CACNA2D3: variants seen among roughly 807,000 people sequenced by gnomAD.
CACNA2D3 encodes the protein calcium voltage-gated channel auxiliary subunit alpha2delta 3, also known as voltage-dependent calcium channel subunit alpha-2/delta-3.
A neutral mutation model predicts 160.6 loss-of-function variants in CACNA2D3; 60 were observed. The observed-to-expected ratio is 0.37, with a 90% CI of 0.30 to 0.46. CACNA2D3 has a LOEUF of 0.46. Ranked by LOEUF, CACNA2D3 falls within the 20% of genes least tolerant of loss-of-function variation. The probability of loss-of-function intolerance (pLI) is 1.00; values close to 1 mark genes in which losing one functional copy is unlikely to be tolerated. For synonymous variants in CACNA2D3, 558 were observed against 492.9 expected (o/e 1.13, Z -1.75); for missense variants, 1,205 against 1,365.0 (o/e 0.88, Z 1.85).
intron 35 of CACNA2D3, among the ~76,000 whole-genome samples, chr3:55,034,896 G>C (rs1239498611): frequency 1.3e-5 from 2 of 152,006 alleles, no homozygotes; most frequent in Non-Finnish European, 2.9e-5. Flanking sequence ...TCAATTCCTA[G>C]AAGTAAAATA....
chr3:54,762,445 G>GT (rs1702096896), intron 12 of CACNA2D3, among the ~76,000 whole-genome samples: 1 of 152,184 alleles, frequency 6.6e-6, no homozygotes, highest in African/African-American at 2.4e-5. Context: ...TGTGCCTGTT[G>GT]TAAGTTTTAG....
At chr3:54,994,523 A>G (rs1364194257) in intron 31 of CACNA2D3, among the ~76,000 whole-genome samples, 2 of 152,170 alleles carry the variant, frequency 1.3e-5, no homozygotes, top group East Asian at 1.9e-4. Context: ...GGAGCTTCCA[A>G]TGAACCACTC....
At chr3:54,242,368 G>A (rs999573814) in intron 2 of CACNA2D3, among the ~76,000 whole-genome samples, 7 of 152,150 alleles carry the variant, frequency 4.6e-5, no homozygotes, top group Non-Finnish European at 1.0e-4. Flanking sequence ...ACTTGAATCT[G>A]GGAGGCAGAG....
At chr3:54,166,484 A>G (rs1354222879) in intron 2 of CACNA2D3, among the ~76,000 whole-genome samples, 1 of 152,230 alleles carries the variant, frequency 6.6e-6, no homozygotes, top group African/African-American at 2.4e-5. Context: ...AGAGAGTGTC[A>G]TTAATTTCAA....
intron 2 of CACNA2D3, among the ~76,000 whole-genome samples, chr3:54,300,498 G>C (rs1348327418): frequency 6.6e-6 from 1 of 152,234 alleles, no homozygotes; most frequent in East Asian, 1.9e-4. Context: ...TGAACGGAGA[G>C]GGGTAGAGCT....
chr3:54,526,229 C>T (rs1211363326), intron 5 of CACNA2D3, among the ~76,000 whole-genome samples: 1 of 152,058 alleles, frequency 6.6e-6, no homozygotes, highest in Non-Finnish European at 1.5e-5. Flanking sequence ...TAATATCCAT[C>T]TTTACCTCTT....
intron 4 of CACNA2D3, among the ~76,000 whole-genome samples, chr3:54,457,628 A>T (rs889860267): frequency 4.0e-4 from 61 of 151,966 alleles, no homozygotes; most frequent in African/African-American, 1.4e-3. Flanking sequence ...TGTATAGATG[A>T]TCTGTCCAGT....
chr3:54,780,540 C>T (rs1228194872), intron 13 of CACNA2D3, among the ~76,000 whole-genome samples: 1 of 152,154 alleles, frequency 6.6e-6, no homozygotes, highest in Non-Finnish European at 1.5e-5. Flanking sequence ...TTTAGGTGAA[C>T]TCCAGAGAAA....
At chr3:54,751,301 C>CTGACA (rs1331936618) in intron 11 of CACNA2D3, among the ~76,000 whole-genome samples, 1 of 152,172 alleles carries the variant, frequency 6.6e-6, no homozygotes, top group Non-Finnish European at 1.5e-5. Flanking sequence ...TGAGCACAGA[C>CTGACA]TGACATTCCA....
At chr3:55,067,182 TGG>T (rs1012626988) in intron 35 of CACNA2D3, among the ~76,000 whole-genome samples, 6 of 152,020 alleles carry the variant, frequency 3.9e-5, no homozygotes, top group Non-Finnish European at 7.4e-5. Context: ...GAAGGAAAGT[TGG>T]CTGTGGGACT....
At chr3:54,156,909 T>A (rs1369176722) in intron 2 of CACNA2D3, among the ~76,000 whole-genome samples, 1 of 152,184 alleles carries the variant, frequency 6.6e-6, no homozygotes, top group Non-Finnish European at 1.5e-5. Context: ...TGAGAAATGA[T>A]CATTATTTTT....
intron 2 of CACNA2D3, among the ~76,000 whole-genome samples, chr3:54,209,488 G>A (rs115177692): frequency 1.2e-3 from 178 of 152,280 alleles, no homozygotes; most frequent in African/African-American, 4.1e-3. Flanking sequence ...GATTCTGTAC[G>A]GAGTGAGGCT....
chr3:54,725,469 A>G (rs1701258667), intron 11 of CACNA2D3, among the ~76,000 whole-genome samples: 1 of 152,218 alleles, frequency 6.6e-6, no homozygotes. Context: ...AAAAATGAAA[A>G]TTTGAGGTCA....
chr3:54,761,859 A>G (rs897111358), intron 12 of CACNA2D3, among the ~76,000 whole-genome samples: 2 of 152,318 alleles, frequency 1.3e-5, no homozygotes, highest in South Asian at 2.1e-4. Flanking sequence ...AATTCAAACC[A>G]GCTGGCCTTT....
At chr3:54,628,907 T>A (rs1435514786) in intron 10 of CACNA2D3, among the ~76,000 whole-genome samples, 1 of 151,940 alleles carries the variant, frequency 6.6e-6, no homozygotes, top group Non-Finnish European at 1.5e-5. Context: ...GAACTGTGAC[T>A]ATGGAGGGAA....
intron 2 of CACNA2D3, among the ~76,000 whole-genome samples, chr3:54,285,795 C>T (rs143298267): frequency 0.021 from 3,162 of 152,294 alleles, 103 homozygotes; most frequent in African/African-American, 0.07. Flanking sequence ...CTGCAGCCAG[C>T]GCTGCTGATA....
intron 11 of CACNA2D3, among the ~76,000 whole-genome samples, chr3:54,659,194 TG>T (rs1699925738): frequency 6.6e-6 from 1 of 152,196 alleles, no homozygotes; most frequent in South Asian, 2.1e-4. Context: ...AGTAAATTTT[TG>T]TTATGTCATC....
intron 14 of CACNA2D3, among the ~76,000 whole-genome samples, chr3:54,828,463 G>A (rs1703791405): frequency 6.6e-6 from 1 of 152,116 alleles, no homozygotes; most frequent in South Asian, 2.1e-4. Context: ...CATGGTCAAA[G>A]GCAGTATCCT....
intron 5 of CACNA2D3, among the ~76,000 whole-genome samples, chr3:54,556,765 A>G (rs1349368510): frequency 1.3e-5 from 2 of 152,192 alleles, no homozygotes; most frequent in Admixed American, 6.5e-5. Context: ...CATTTTCACA[A>G]GTGACCATAA....
Sources: gnomAD v4.1 joint callset for allele counts (sites outside exome capture counted in the v4.1 genomes callset) on GRCh38, gnomAD v4.1.1 for gene constraint, MANE v1.5 for transcripts, NCBI Gene and HGNC (gene_info 2026-07-23, HGNC 2026-07-21) for gene names.